Variants in CABLES1 observed in about 807,000 individuals in gnomAD.
CABLES1 encodes the protein Cdk5 and Abl enzyme substrate 1, also known as CDK5 and ABL1 enzyme substrate 1.
A neutral mutation model predicts 57.8 loss-of-function variants in CABLES1; 36 were observed. The observed-to-expected ratio is 0.62, with a 90% CI of 0.48 to 0.82. CABLES1 has a LOEUF of 0.82. CABLES1 is among the 40% of genes least tolerant of loss of function. The probability of loss-of-function intolerance (pLI) is 0.00; values close to 1 mark genes in which losing one functional copy is unlikely to be tolerated. For missense variants in CABLES1, 767 were observed against 836.6 expected, an observed-to-expected ratio of 0.92 and a Z score of 1.03; for synonymous variants, 374 against 363.0, an observed-to-expected ratio of 1.03 and a Z score of -0.35.
intron 7 of CABLES1, among the ~76,000 whole-genome samples, chr18:23,246,527 G>A (rs1342960761): frequency 1.3e-5 from 2 of 152,056 alleles, no homozygotes; most frequent in African/African-American, 4.8e-5. Context: ...AAGTAGCTGG[G>A]ACTACAGGCA....
rs2047276846 is a variant in CABLES1, at chr18:23,195,642, A to G, written c.1010+1102A>G. 4.6e-5 allele frequency among the ~76,000 whole-genome samples: 7 copies of G among 152,352 alleles called. No homozygotes were observed. In the South Asian group the frequency reaches 1.5e-3, roughly 32 times the overall value. ...ACAGTTGCAGTGGTTTCAGAATAGCAAAATTGAGCTTTCCAAATGATTTTT... is the reference window on the plus strand; with the variant it reads ...ACAGTTGCAGTGGTTTCAGAATAGCGAAATTGAGCTTTCCAAATGATTTTT... On this transcript the variant is annotated intron_variant, in intron 3 of 9. Transcript: ENST00000256925.
In CABLES1 at chr18:23,136,452, C is replaced by G; in HGVS notation, c.690C>G (p.Pro230=). 6.2e-7 allele frequency: 1 copy of G among 1,604,398 alleles called. No individual in the cohort carries two copies. Among genetic ancestry groups the G allele is most frequent in the Non-Finnish European group, 8.5e-7 (1 of 1,177,126 alleles). ...CCGCCTTTTTGGGCTCCGGGACCCCCGGGAGTGGGAGCGGCAGTCGGGGAC... is the reference window on the plus strand; with the variant it reads ...CCGCCTTTTTGGGCTCCGGGACCCCGGGGAGTGGGAGCGGCAGTCGGGGAC... The part of the protein sequence containing the change: ...PAAAFLGSGT[P]GSGSGSRGRL... The change falls in exon 1 of 10, where the codon CCC becomes CCG. Residue 230 remains proline (P), a synonymous_variant. Coordinates refer to ENST00000256925, the MANE Select transcript of CABLES1 (RefSeq NM_001100619.3).
intron 7 of CABLES1, among the ~76,000 whole-genome samples, chr18:23,242,272 C>G (rs536727438): frequency 7.2e-5 from 11 of 152,084 alleles, no homozygotes; most frequent in African/African-American, 2.7e-4. Context: ...GAATGAAACT[C>G]TGTCTCAAAA....
At chr18:23,234,587 T>TC in intron 4 of CABLES1, 21 bp from the exon 5 acceptor site, 1 of 1,596,112 alleles carries the variant, frequency 6.3e-7, no homozygotes, top group African/African-American at 1.3e-5. Flanking sequence ...CATTTTTTTT[T>TC]CCTCTGACTT....
In CABLES1 at chr18:23,217,016, C is replaced by T. The variant is rs955577838; in HGVS notation, c.1088+2962C>T. Among the ~76,000 whole-genome samples, 3 of 152,182 alleles carry T rather than the reference C, an allele frequency of 2.0e-5. 1 individual carries two copies. Among genetic ancestry groups the T allele is most frequent in the South Asian group, 4.1e-4 (2 of 4,826 alleles). On this transcript the variant is annotated intron_variant, in intron 4 of 9. Coordinates refer to ENST00000256925, the MANE Select transcript of CABLES1 (RefSeq NM_001100619.3). ...CTAGGTGTGAACAGATTCAAATCCA[C>T]TATTCCTCCAGATTTTATAGATGAG...
intron 6 of CABLES1, 89 bp from the exon 7 acceptor site, chr18:23,237,053 C>A: frequency 1.2e-6 from 1 of 816,874 alleles, no homozygotes; most frequent in Non-Finnish European, 2.2e-6. Context: ...TTCTTCATTC[C>A]AGCTATACTT....
chr18:23,148,210 CGATCTCCT>C (rs1488448810), intron 1 of CABLES1, among the ~76,000 whole-genome samples: 4 of 151,916 alleles, frequency 2.6e-5, no homozygotes, highest in African/African-American at 4.8e-5. Flanking sequence ...AGGGTGGTCT[CGATCTCCT>C]GATCTCATGA....
At chr18:23,184,318 T>C in intron 1 of CABLES1, among the ~76,000 whole-genome samples, 1 of 149,932 alleles carries the variant, frequency 6.7e-6, no homozygotes, top group South Asian at 2.1e-4. Flanking sequence ...CGTGTGTGTG[T>C]GTGTGTGTGT....
intron 9 of CABLES1, among the ~76,000 whole-genome samples, chr18:23,254,494 A>G (rs2048116050): frequency 6.6e-6 from 1 of 152,276 alleles, no homozygotes; most frequent in African/African-American, 2.4e-5. Flanking sequence ...CCAACTGATT[A>G]GAAGACAGAT....
chr18:23,224,805 G>T (rs1314698431), intron 4 of CABLES1, among the ~76,000 whole-genome samples: 4 of 151,908 alleles, frequency 2.6e-5, no homozygotes, highest in African/African-American at 9.7e-5. Context: ...TCCTGACCTC[G>T]TGATCTGCCT....
At chr18:23,235,006 C>T (rs986504357) in intron 5 of CABLES1, among the ~76,000 whole-genome samples, 1 of 152,198 alleles carries the variant, frequency 6.6e-6, no homozygotes, top group Non-Finnish European at 1.5e-5. Context: ...ATGGATTGAA[C>T]ATCTATTAAC....
Position 23,135,851 on chromosome 18 carries a change from A to AGCC in CABLES1, c.98_100dup (p.Pro33dup), listed in dbSNP as rs936383395. On this transcript the variant is annotated inframe_insertion, in exon 1 of 10. Coordinates refer to ENST00000256925, the MANE Select transcript of CABLES1 (RefSeq NM_001100619.3). ...GCCGCGGGCGCCAGCGGATTGCAGCAGCCGCCGCCGCAGCCCCAGCCTCAG... is the reference window on the plus strand; with the variant it reads ...GCCGCGGGCGCCAGCGGATTGCAGCAGCCGCCGCCGCCGCAGCCCCAGCCTCAG... 1.1e-5 allele frequency: 11 copies of AGCC among 990,752 alleles called. No homozygotes were observed. Among genetic ancestry groups the AGCC allele is most frequent in the Admixed American group, 6.0e-5 (1 of 16,570 alleles). 61.4% of individuals were successfully genotyped at this position (990,752 alleles called of 1,614,324 possible).
At chr18:23,202,135 C>T (rs2047329913) in intron 3 of CABLES1, among the ~76,000 whole-genome samples, 1 of 152,192 alleles carries the variant, frequency 6.6e-6, no homozygotes, top group Admixed American at 6.5e-5. Context: ...GTGGGAACCA[C>T]GCAGTGTGCT....
chr18:23,246,903 A>T (rs1430363325), intron 7 of CABLES1, among the ~76,000 whole-genome samples: 1 of 152,044 alleles, frequency 6.6e-6, no homozygotes, highest in African/African-American at 2.4e-5. Flanking sequence ...ATGTTGGCCA[A>T]GCTGGTCTCG....
At chr18:23,244,676 C>T (rs1172759330) in intron 7 of CABLES1, among the ~76,000 whole-genome samples, 4 of 152,236 alleles carry the variant, frequency 2.6e-5, no homozygotes, top group Admixed American at 6.5e-5. Context: ...AGCCTAATTT[C>T]GCAGTGGCTG....
chr18:23,258,655 AC>A lies in CABLES1; in HGVS notation c.*1290del, dbSNP rs2145151461. 1 of 152,274 alleles carries A rather than the reference AC, an allele frequency of 6.6e-6. No individual in the cohort carries two copies. The highest frequency in any genetic ancestry group is 2.1e-4 in the South Asian group (1 of 4,830). The allele number at this position is 152,274 out of a possible 1,614,324, so 9.4% of individuals were successfully genotyped here. A position where few individuals can be genotyped will look rare whatever the true frequency, so the allele number is the denominator to read the frequency against. ...ATTAAACTCTTGTTGCTTTTTGTAT[AC>A]CTGTATGCGTTTGTGTAGACGTGTG... On this transcript the variant is annotated 3_prime_UTR_variant, in exon 10 of 10. Transcript: ENST00000256925.
chr18:23,255,678 G>A (rs990795496), intron 9 of CABLES1, among the ~76,000 whole-genome samples: 3 of 148,962 alleles, frequency 2.0e-5, no homozygotes, highest in Non-Finnish European at 4.4e-5. Flanking sequence ...TCCCATCTCC[G>A]CCTCCCAAGT....
intron 9 of CABLES1, 35 bp from the exon 10 acceptor site, chr18:23,257,192 A>G (rs993810319): frequency 1.9e-6 from 3 of 1,605,878 alleles, no homozygotes; most frequent in Non-Finnish European, 2.5e-6. Context: ...TTTAATTTCA[A>G]AATGAACATG....
At chr18:23,191,309 C>T (rs530344773) in intron 2 of CABLES1, among the ~76,000 whole-genome samples, 1 of 152,202 alleles carries the variant, frequency 6.6e-6, no homozygotes, top group Non-Finnish European at 1.5e-5. Flanking sequence ...TCACTTATTC[C>T]TAGGAGTTAT....
Sources: allele counts gnomAD v4.1 joint callset (sites outside exome capture counted in the v4.1 genomes callset), GRCh38; gene constraint gnomAD v4.1.1; transcripts MANE v1.5; gene names NCBI Gene and HGNC (gene_info 2026-07-23, HGNC 2026-07-21).